Variants in TENT2 observed in about 807,000 individuals in gnomAD.
TENT2 encodes poly(A) RNA polymerase GLD2.
A neutral mutation model predicts 72.2 loss-of-function variants in TENT2; 44 were observed. The observed-to-expected ratio is 0.61, with a 90% confidence interval of 0.48 to 0.78. TENT2 has a LOEUF of 0.78. Ranked by LOEUF, TENT2 falls within the 30% of genes least tolerant of loss-of-function variation. The pLI, the probability that TENT2 is intolerant of heterozygous loss-of-function variation, is 0.00. For missense variants in TENT2, 541 were observed against 569.6 expected, an observed-to-expected ratio of 0.95 and a Z score of 0.51; for synonymous variants, 212 against 192.5, an observed-to-expected ratio of 1.10 and a Z score of -0.84.
intron 3 of TENT2, among the ~76,000 whole-genome samples, chr5:79,621,921 A>T (rs1293203689): frequency 6.6e-6 from 1 of 152,176 alleles, no homozygotes; most frequent in Admixed American, 6.5e-5. Flanking sequence ...TTAGCACTGT[A>T]TATTTTACCT....
intron 12 of TENT2, among the ~76,000 whole-genome samples, chr5:79,677,200 A>G (rs1345458426): frequency 2.0e-5 from 3 of 152,216 alleles, no homozygotes; most frequent in Admixed American, 6.5e-5. Context: ...AATCAGTCCA[A>G]ATAGTAGTGA....
At chr5:79,665,916 C>T (rs953916182) in intron 11 of TENT2, among the ~76,000 whole-genome samples, 2 of 151,140 alleles carry the variant, frequency 1.3e-5, no homozygotes, top group Non-Finnish European at 2.9e-5. Flanking sequence ...TCTGAAGTAG[C>T]ATGTATTTTT....
At chr5:79,629,154 GT>G (rs942043225) in intron 4 of TENT2, among the ~76,000 whole-genome samples, 2 of 152,132 alleles carry the variant, frequency 1.3e-5, no homozygotes, top group African/African-American at 4.8e-5. Context: ...ATACTGAGGG[GT>G]TTTTTCTTTG....
At chr5:79,641,613 CTTA>C (rs1338201392) in intron 6 of TENT2, among the ~76,000 whole-genome samples, 14 of 151,154 alleles carry the variant, frequency 9.3e-5, no homozygotes, top group Admixed American at 2.0e-4. Context: ...TTTGAAAATG[CTTA>C]TTAAGGGAAA....
chr5:79,622,277 G>A (rs1174946534), intron 3 of TENT2, among the ~76,000 whole-genome samples: 1 of 152,044 alleles, frequency 6.6e-6, no homozygotes, highest in Non-Finnish European at 1.5e-5. Context: ...ACTCTAGCCC[G>A]GCAACAGAGG....
intron 12 of TENT2, among the ~76,000 whole-genome samples, chr5:79,672,927 G>T (rs1360808274): frequency 6.6e-6 from 1 of 152,236 alleles, no homozygotes; most frequent in East Asian, 1.9e-4. Flanking sequence ...CCCACCAGCA[G>T]GGTATGAGGG....
intron 4 of TENT2, among the ~76,000 whole-genome samples, chr5:79,637,172 A>G (rs965251037): frequency 7.2e-5 from 11 of 152,144 alleles, no homozygotes; most frequent in African/African-American, 2.7e-4. Context: ...TCAAGACAGC[A>G]GTGAGCTGTG....
intron 3 of TENT2, among the ~76,000 whole-genome samples, chr5:79,621,766 A>C (rs57454564): frequency 7.0e-5 from 7 of 100,054 alleles, no homozygotes; most frequent in Admixed American, 4.4e-4. Flanking sequence ...TCAAAAAAAA[A>C]AAAAAACAAA....
chr5:79,624,904 C>G (rs995609365), intron 4 of TENT2, among the ~76,000 whole-genome samples: 1 of 152,174 alleles, frequency 6.6e-6, no homozygotes, highest in African/African-American at 2.4e-5. Context: ...TATGTTTTCA[C>G]CTCTCTTGGA....
intron 4 of TENT2, among the ~76,000 whole-genome samples, chr5:79,639,508 G>C (rs1001821931): frequency 6.6e-6 from 1 of 150,934 alleles, no homozygotes; most frequent in African/African-American, 2.4e-5. Flanking sequence ...CTAAGATTAG[G>C]GTTTTGTAGG....
intron 14 of TENT2, among the ~76,000 whole-genome samples, chr5:79,683,913 G>A (rs1159175300): frequency 3.2e-5 from 3 of 92,320 alleles, no homozygotes; most frequent in Admixed American, 3.7e-4. Context: ...GACAGAGCGA[G>A]ACTCCGTCTC....
chr5:79,649,149 G>A lies in TENT2; in HGVS notation c.986G>A (p.Ser329Asn), dbSNP rs757958546. The A allele has an allele frequency of 2.5e-6, 4 of 1,613,510 alleles. No homozygotes were observed. Among genetic ancestry groups the A allele is most frequent in the East Asian group, 4.5e-5 (2 of 44,832 alleles). The part of the protein sequence containing the change: ...QINDASRGTL[S>N]SYSLVLMVLH... ...AATGATGCCAGTCGTGGTACTTTAA[G>A]CAGCTATAGTCTTGTATTGATGGTT... The change falls in exon 10 of 15, where the codon AGC becomes AAC. Residue 329 changes from serine (S) to asparagine (N), a missense_variant. By Grantham distance (46) the Ser-to-Asn change is conservative (BLOSUM62 1). Coordinates refer to ENST00000453514, the MANE Select transcript of TENT2 (RefSeq NM_001114394.3).
At chr5:79,633,563 T>C (rs900138591) in intron 4 of TENT2, among the ~76,000 whole-genome samples, 3 of 149,004 alleles carry the variant, frequency 2.0e-5, no homozygotes, top group Middle Eastern at 3.5e-3. Flanking sequence ...ATTACAGGCA[T>C]GCGCCACCAT....
intron 7 of TENT2, among the ~76,000 whole-genome samples, chr5:79,644,160 T>C (rs989566599): frequency 6.6e-6 from 1 of 152,108 alleles, no homozygotes; most frequent in African/African-American, 2.4e-5. Flanking sequence ...TTTTGTATTT[T>C]TAGTAGAGAC....
intron 14 of TENT2, among the ~76,000 whole-genome samples, chr5:79,684,772 AAATAT>A (rs1395913972): frequency 1.3e-5 from 2 of 152,252 alleles, no homozygotes; most frequent in African/African-American, 2.4e-5. Context: ...GGAACCATAA[AAATAT>A]GGAGTTTTTA....
At chr5:79,683,923 C>CAAAAAAA (rs761567083) in intron 14 of TENT2, among the ~76,000 whole-genome samples, 34 of 41,558 alleles carry the variant, frequency 8.2e-4, no homozygotes, top group East Asian at 1.6e-3. Context: ...GACTCCGTCT[C>CAAAAAAA]AAAAAAAAAA....
At chr5:79,648,924 GAC>G (rs1357243678) in intron 9 of TENT2, 136 bp from the exon 10 acceptor site, 6 of 1,041,316 alleles carry the variant, frequency 5.8e-6, no homozygotes, top group East Asian at 5.2e-5. Context: ...TTAGACATAA[GAC>G]ACAAAGTGAA....
intron 12 of TENT2, among the ~76,000 whole-genome samples, chr5:79,669,637 TGAG>T (rs1486325861): frequency 6.6e-6 from 1 of 151,984 alleles, no homozygotes. Context: ...TGGAAAAGCT[TGAG>T]GGGGGAAGAG....
chr5:79,636,405 CAGTATTCTGA>C (rs1561492486), intron 4 of TENT2, among the ~76,000 whole-genome samples: 1 of 152,144 alleles, frequency 6.6e-6, no homozygotes, highest in Non-Finnish European at 1.5e-5. Context: ...GTAAATATTT[CAGTATTCTGA>C]TATTCAGTTG....
Sources: allele counts gnomAD v4.1 joint callset (sites outside exome capture counted in the v4.1 genomes callset), GRCh38; gene constraint gnomAD v4.1.1; transcripts MANE v1.5; gene names NCBI Gene and HGNC (gene_info 2026-07-23, HGNC 2026-07-21).